RBBP8: variants seen among roughly 807,000 people sequenced by gnomAD.
The protein encoded by RBBP8 is RB binding protein 8, endonuclease, also known as DNA endonuclease RBBP8.
RBBP8 carries 88 observed loss-of-function variants against 108.3 expected under a neutral mutation model. The observed-to-expected ratio is 0.81, with a 90% CI of 0.68 to 0.97. RBBP8 has a LOEUF of 0.97. RBBP8 is among the 50% of genes least tolerant of loss of function. The pLI, the probability that RBBP8 is intolerant of heterozygous loss-of-function variation, is 0.00. For synonymous variants in RBBP8, 332 were observed against 348.2 expected, an observed-to-expected ratio of 0.95 and a Z score of 0.52; for missense variants, 1,023 against 1,049.0, an observed-to-expected ratio of 0.98 and a Z score of 0.34.
At chr18:22,915,500 A>C (rs1909320696) in intron 2 of RBBP8, 1 of 152,164 alleles carries the variant, frequency 6.6e-6, no homozygotes, top group Non-Finnish European at 1.5e-5. Context: ...ACTGCTGAAA[A>C]GCTATGTAAT....
chr18:22,961,759 C>T (rs995818665), intron 4 of RBBP8, among the ~76,000 whole-genome samples: 3 of 152,176 alleles, frequency 2.0e-5, no homozygotes, highest in African/African-American at 7.2e-5. Context: ...TTGGACACCC[C>T]GTTCTAAAGC....
At chr18:22,959,678 T>C (rs1567960835) in intron 4 of RBBP8, among the ~76,000 whole-genome samples, 1 of 152,010 alleles carries the variant, frequency 6.6e-6, no homozygotes, top group Admixed American at 6.6e-5. Flanking sequence ...GTACGTAATA[T>C]CCAAGAACTT....
upstream of RBBP8, chr18:22,933,285 G>A (rs536049643): frequency 5.3e-5 from 8 of 152,334 alleles, no homozygotes; most frequent in Non-Finnish European, 7.3e-5. Flanking sequence ...GCGCCGCCGC[G>A]ATGGGCAGCT....
chr18:22,932,366 A>G (rs1910090331), upstream of RBBP8, among the ~76,000 whole-genome samples: 1 of 152,212 alleles, frequency 6.6e-6, no homozygotes, highest in Admixed American at 6.5e-5. Context: ...ATTTTCTTTT[A>G]AAAATGTGGA....
chr18:22,979,356 T>G (rs1462858284), intron 6 of RBBP8, among the ~76,000 whole-genome samples: 3 of 152,224 alleles, frequency 2.0e-5, no homozygotes, highest in East Asian at 3.9e-4. Context: ...TTTTAAATAA[T>G]TAGACATTAG....
intron 16 of RBBP8, 62 bp from the exon 17 acceptor site, chr18:23,016,766 T>G: frequency 8.4e-7 from 1 of 1,196,624 alleles, no homozygotes; most frequent in Non-Finnish European, 1.2e-6. Context: ...TGAATGAATG[T>G]TTTGGGGATT....
At chr18:23,011,157 A>G (rs939158443) in intron 16 of RBBP8, among the ~76,000 whole-genome samples, 2 of 152,228 alleles carry the variant, frequency 1.3e-5, no homozygotes, top group Non-Finnish European at 2.9e-5. Flanking sequence ...TTTGAGGGAA[A>G]GTGCTTGCCA....
chr18:23,018,713 T>C (rs1408465822), intron 17 of RBBP8, among the ~76,000 whole-genome samples: 3 of 152,166 alleles, frequency 2.0e-5, no homozygotes, highest in Non-Finnish European at 2.9e-5. Context: ...AAGGTTTTTT[T>C]CCTGAATATT....
intron 1 of RBBP8, 40 bp from the exon 2 acceptor site, chr18:22,936,714 T>C: frequency 3.2e-6 from 3 of 940,900 alleles, no homozygotes; most frequent in Non-Finnish European, 5.0e-6. Context: ...TACATAAAGA[T>C]AAATGCAAAG....
At chr18:22,919,375 A>G (rs1909492671) in intron 3 of RBBP8, among the ~76,000 whole-genome samples, 1 of 152,218 alleles carries the variant, frequency 6.6e-6, no homozygotes, top group Non-Finnish European at 1.5e-5. Context: ...CTTGTAATCA[A>G]CTTTAATTTC....
intron 2 of RBBP8, among the ~76,000 whole-genome samples, chr18:22,945,731 A>G (rs1911506675): frequency 1.3e-5 from 2 of 152,030 alleles, no homozygotes; most frequent in Middle Eastern, 3.4e-3. Context: ...AATTTTTACA[A>G]TTTTGCTAGT....
intron 17 of RBBP8, among the ~76,000 whole-genome samples, 169 bp downstream of exon 17, chr18:23,017,093 G>A (rs2046269379): frequency 1.3e-5 from 2 of 152,128 alleles, no homozygotes; most frequent in Admixed American, 1.3e-4. Context: ...GGTGGCTCAT[G>A]CCTCTAATCT....
chr18:22,968,775 T>A, intron 4 of RBBP8, 31 bp from the exon 5 acceptor site: 3 of 1,557,160 alleles, frequency 1.9e-6, no homozygotes, highest in Non-Finnish European at 8.8e-7. Flanking sequence ...TCTCTTTTAG[T>A]GGATGAAAAA....
intron 2 of RBBP8, among the ~76,000 whole-genome samples, chr18:22,942,680 TCA>T (rs1567949099): frequency 6.6e-6 from 1 of 152,110 alleles, no homozygotes; most frequent in East Asian, 1.9e-4. Flanking sequence ...AATTCCGAAC[TCA>T]CAGAATTTAA....
At chr18:23,016,308 G>T (rs1286935482) in intron 16 of RBBP8, among the ~76,000 whole-genome samples, 1 of 152,098 alleles carries the variant, frequency 6.6e-6, no homozygotes, top group Non-Finnish European at 1.5e-5. Flanking sequence ...ACTTTGGGAG[G>T]CTGAGGCGGG....
intron 2 of RBBP8, among the ~76,000 whole-genome samples, chr18:22,944,942 G>T (rs149878419): frequency 2.0e-5 from 3 of 152,128 alleles, no homozygotes; most frequent in Admixed American, 6.5e-5. Flanking sequence ...CCAAAAGATT[G>T]TATCAAGTTT....
At chr18:22,944,997 A>C (rs1036657508) in intron 2 of RBBP8, among the ~76,000 whole-genome samples, 2 of 152,222 alleles carry the variant, frequency 1.3e-5, no homozygotes, top group Admixed American at 6.5e-5. Context: ...TAAATATATT[A>C]ATGTTTCTAT....
At chr18:22,956,590 G>GC (rs1265153100) in intron 4 of RBBP8, among the ~76,000 whole-genome samples, 1 of 152,078 alleles carries the variant, frequency 6.6e-6, no homozygotes, top group Non-Finnish European at 1.5e-5. Context: ...TCCTGCCTTG[G>GC]CCTTCCACGG....
At chr18:23,015,723 C>T (rs1461651080) in intron 16 of RBBP8, among the ~76,000 whole-genome samples, 1 of 151,896 alleles carries the variant, frequency 6.6e-6, no homozygotes, top group Non-Finnish European at 1.5e-5. Context: ...CTATCCTTTC[C>T]CCAATGAAGG....
Sources: gnomAD v4.1 joint callset for allele counts (sites outside exome capture counted in the v4.1 genomes callset) on GRCh38, gnomAD v4.1.1 for gene constraint, MANE v1.5 for transcripts, NCBI Gene and HGNC (gene_info 2026-07-23, HGNC 2026-07-21) for gene names.